ZNF740: variants seen among roughly 807,000 people sequenced by gnomAD.
ZNF740 encodes the protein oriLyt TD-element-binding protein 7.
Under a neutral mutation model 24.8 loss-of-function variants are expected in ZNF740, and 14 were observed. The ratio of observed to expected loss-of-function variants is 0.56; its 90% CI spans 0.37 to 0.88. The LOEUF (loss-of-function observed/expected upper bound fraction) is 0.88, where lower values mean the gene tolerates loss of function less well. Among genes scored for constraint, ZNF740 ranks in the 40% least tolerant of loss-of-function variants. The pLI is 0.00. For missense variants in ZNF740, 201 were observed against 247.9 expected, an observed-to-expected ratio of 0.81 and a Z score of 1.27; for synonymous variants, 69 against 84.0, an observed-to-expected ratio of 0.82 and a Z score of 0.98.
rs1176502981 is a variant in ZNF740, at chr12:53,194,770, C to G, written c.*7180C>G. Reference sequence around the variant, plus strand: ...AGGTTTAGGAGATGCTCCCTGTTATCAAGAAGCCTACAGCCTAGTTGCAGA... The same window carrying G: ...AGGTTTAGGAGATGCTCCCTGTTATGAAGAAGCCTACAGCCTAGTTGCAGA... On this transcript the variant is annotated 3_prime_UTR_variant, in exon 7 of 7. Transcript: ENST00000416904. 4 of 176,206 alleles carry G rather than the reference C, an allele frequency of 2.3e-5. No homozygotes were observed. The highest frequency in any genetic ancestry group is 4.7e-5 in the African/African-American group (2 of 42,372). The allele number at this position is 176,206 out of a possible 1,614,324, so 10.9% of individuals were successfully genotyped here.
Position 53,184,911 on chromosome 12 carries a change from A to C in ZNF740, c.30A>C (p.Glu10Asp). 6.2e-7 allele frequency: 1 copy of C among 1,613,460 alleles called. No homozygotes were observed. Among genetic ancestry groups the C allele is most frequent in the Non-Finnish European group, 8.5e-7 (1 of 1,179,658 alleles). Reference protein sequence around the residue: MAQASLLACEGLAGVSLVPT... With the variant: MAQASLLACDGLAGVSLVPT... ...CTTAGGCAAGTCTCCTGGCTTGTGAAGGCCTAGCAGGTGTGAGTTTGGTTC... is the reference window on the plus strand; with the variant it reads ...CTTAGGCAAGTCTCCTGGCTTGTGACGGCCTAGCAGGTGTGAGTTTGGTTC... The change falls in exon 3 of 7, where the codon GAA becomes GAC. Residue 10 changes from glutamate to aspartate, a missense_variant. Physicochemically the swap from Glu to Asp is conservative, Grantham distance 45. This residue lies in a region of ZNF740 where 117 missense variants were observed against 122.3 expected (regional missense o/e 0.96). Coordinates refer to ENST00000416904, the MANE Select transcript of ZNF740 (RefSeq NM_001004304.4).
rs1240919576 is a variant in ZNF740 at position 53,186,140 on chromosome 12, T to C, written c.373+63T>C. ...TCTATCGCTTGTATTCCATGTCTGTTTGTGGCTCTAGTTGGGTTTATTTTA... is the reference window on the plus strand; with the variant it reads ...TCTATCGCTTGTATTCCATGTCTGTCTGTGGCTCTAGTTGGGTTTATTTTA... On this transcript the variant is annotated intron_variant, in intron 5 of 6. Transcript: ENST00000416904. 9 of 1,572,228 alleles carry C rather than the reference T, an allele frequency of 5.7e-6. No individual in the cohort carries two copies. In the East Asian group the frequency reaches 6.8e-5, roughly 12 times the overall value.
rs1257017818 is a variant in ZNF740 at position 53,191,718 on chromosome 12, C to T, written c.*4128C>T. 6.5e-7 allele frequency: 1 copy of T among 1,532,990 alleles called. No homozygotes were observed. The allele number at this position is 1,532,990 out of a possible 1,614,324, so 95.0% of individuals were successfully genotyped here. On this transcript the variant is annotated 3_prime_UTR_variant, in exon 7 of 7. Transcript: ENST00000416904. ...CTAGACCTAAGAGGCCAGCCTTGAG[C>T]CGAATCCTAGGAGCTGATGGAAGTT...
chr12:53,188,695 G>A lies in ZNF740; in HGVS notation c.*1105G>A, dbSNP rs1446073739. On this transcript the variant is annotated 3_prime_UTR_variant, in exon 7 of 7. Transcript: ENST00000416904. ...GGAGGTAGGGAGGGGTCTGTCCTTTGGTCCCAAAAAACAAGATCTCGGCTT... is the reference window on the plus strand; with the variant it reads ...GGAGGTAGGGAGGGGTCTGTCCTTTAGTCCCAAAAAACAAGATCTCGGCTT... The A allele has an allele frequency of 6.6e-6, 1 of 152,138 alleles. No individual in the cohort carries two copies. Among genetic ancestry groups the A allele is most frequent in the African/African-American group, 2.4e-5 (1 of 41,412 alleles). 9.4% of individuals were successfully genotyped at this position (152,138 alleles called of 1,614,324 possible). A position where few individuals can be genotyped will look rare whatever the true frequency, so the allele number is the denominator to read the frequency against.
intron 1 of ZNF740, 97 bp downstream of exon 1, chr12:53,180,934 G>A: frequency 1.0e-6 from 1 of 972,706 alleles, no homozygotes; most frequent in Non-Finnish European, 1.3e-6. Context: ...AGGGGGAGGG[G>A]AGGGGAGGAG....
In ZNF740 at chr12:53,188,101, A is replaced by G. The variant is rs1001303148; in HGVS notation, c.*511A>G. The G allele has an allele frequency of 1.9e-5, 3 of 161,896 alleles. No homozygotes were observed. Among genetic ancestry groups the G allele is most frequent in the Non-Finnish European group, 4.1e-5 (3 of 72,772 alleles). 10.0% of individuals were successfully genotyped at this position (161,896 alleles called of 1,614,324 possible). ...CCCCAAAAATTGGGTTTTTAGTTGC[A>G]GTAGCTCCTCAGTGTTTCACAATCC... On this transcript the variant is annotated 3_prime_UTR_variant, in exon 7 of 7. Transcript: ENST00000416904.
In ZNF740 at chr12:53,191,594, T is replaced by G. The variant is rs776645030; in HGVS notation, c.*4004T>G. 2 of 1,613,806 alleles carry G rather than the reference T, an allele frequency of 1.2e-6. No individual in the cohort carries two copies. Among genetic ancestry groups the G allele is most frequent in the Non-Finnish European group, 1.7e-6 (2 of 1,179,814 alleles). ...CTGTCTGCCTCTTGAAAGCGAGGATTGATGGTGGTCGTGATGGCACTTTTG... is the reference window on the plus strand; with the variant it reads ...CTGTCTGCCTCTTGAAAGCGAGGATGGATGGTGGTCGTGATGGCACTTTTG... On this transcript the variant is annotated 3_prime_UTR_variant, in exon 7 of 7. Coordinates refer to ENST00000416904, the MANE Select transcript of ZNF740 (RefSeq NM_001004304.4).
chr12:53,185,839 A>C, intron 4 of ZNF740, 115 bp from the exon 5 acceptor site: 2 of 1,394,516 alleles, frequency 1.4e-6, no homozygotes, highest in Non-Finnish European at 1.9e-6. Flanking sequence ...CAGCACCTTT[A>C]GACAGCATCA....
intron 2 of ZNF740, among the ~76,000 whole-genome samples, chr12:53,183,100 T>A (rs534347385): frequency 1.3e-5 from 2 of 152,354 alleles, no homozygotes; most frequent in East Asian, 1.9e-4. Context: ...CTCCTTTCCA[T>A]ATAGAATAGG....
rs1440449428 is a variant in ZNF740 at position 53,193,695 on chromosome 12, A to T, written c.*6105A>T. ...TGGGAGCCAGGTGGTTGAAGGGAAG[A>T]GGAGGCCCTCACCTGCATACACCAC... On this transcript the variant is annotated 3_prime_UTR_variant, in exon 7 of 7. Transcript: ENST00000416904. 1.0e-5 allele frequency: 16 copies of T among 1,594,180 alleles called. No individual in the cohort carries two copies. Among genetic ancestry groups the T allele is most frequent in the Non-Finnish European group, 1.3e-5 (15 of 1,168,734 alleles).
Position 53,193,620 on chromosome 12 carries a change from G to C in ZNF740, c.*6030G>C, listed in dbSNP as rs61761309. The C allele has an allele frequency of 8.5e-5, 99 of 1,164,616 alleles. No individual in the cohort carries two copies. Among genetic ancestry groups the C allele is most frequent in the East Asian group, 7.3e-4 (29 of 39,770 alleles). The allele number at this position is 1,164,616 out of a possible 1,614,324, so 72.1% of individuals were successfully genotyped here. A position where few individuals can be genotyped will look rare whatever the true frequency, so the allele number is the denominator to read the frequency against. Reference sequence around the variant, plus strand: ...GTCGGGATGTCGAGGAGACTCCTGTGGGGGGGATGGAAAGCAGCGGAGGAA... The same window carrying C: ...GTCGGGATGTCGAGGAGACTCCTGTCGGGGGGATGGAAAGCAGCGGAGGAA... On this transcript the variant is annotated 3_prime_UTR_variant, in exon 7 of 7. Coordinates refer to ENST00000416904, the MANE Select transcript of ZNF740 (RefSeq NM_001004304.4).
rs2120440879 is a variant in ZNF740, at chr12:53,194,787, A to G, written c.*7197A>G. ...CCTGTTATCAAGAAGCCTACAGCCT[A>G]GTTGCAGAGGTAAGACCTAAACCAC... On this transcript the variant is annotated 3_prime_UTR_variant, in exon 7 of 7. Transcript: ENST00000416904. 1 of 176,952 alleles carries G rather than the reference A, an allele frequency of 5.7e-6. No homozygotes were observed. The highest frequency in any genetic ancestry group is 5.4e-5 in the Admixed American group (1 of 18,632). 11.0% of individuals were successfully genotyped at this position (176,952 alleles called of 1,614,324 possible).
At position 53,191,348 on chromosome 12, in the gene ZNF740, T is replaced by C; in HGVS notation, c.*3758T>C. ...TCTGAGGTAAGACTTTATTGTATAC[T>C]TGGGTGGGGTAGCCCAGATGGATGC... On this transcript the variant is annotated 3_prime_UTR_variant, in exon 7 of 7. Transcript: ENST00000416904. The C allele has an allele frequency of 1.7e-6, 1 of 586,846 alleles. No individual in the cohort carries two copies. The highest frequency in any genetic ancestry group is 3.1e-6 in the Non-Finnish European group (1 of 326,728). 36.4% of individuals were successfully genotyped at this position (586,846 alleles called of 1,614,324 possible).
rs1941898732 is a variant in ZNF740 at position 53,189,963 on chromosome 12, A to G, written c.*2373A>G. ...ATGAGTGACCTGTGCCCCTATGTGT[A>G]CTAATGTGTGTACTGGGTCAGAAGG... On this transcript the variant is annotated 3_prime_UTR_variant, in exon 7 of 7. Coordinates refer to ENST00000416904, the MANE Select transcript of ZNF740 (RefSeq NM_001004304.4). 7.2e-6 allele frequency: 1 copy of G among 139,012 alleles called. No homozygotes were observed. Among genetic ancestry groups the G allele is most frequent in the Non-Finnish European group, 1.5e-5 (1 of 64,936 alleles). 8.6% of individuals were successfully genotyped at this position (139,012 alleles called of 1,614,324 possible). A position where few individuals can be genotyped will look rare whatever the true frequency, so the allele number is the denominator to read the frequency against.
chr12:53,191,669 A>T lies in ZNF740; in HGVS notation c.*4079A>T. The T allele has an allele frequency of 6.3e-7, 1 of 1,592,058 alleles. No homozygotes were observed. Among genetic ancestry groups the T allele is most frequent in the Non-Finnish European group, 8.6e-7 (1 of 1,160,020 alleles). On this transcript the variant is annotated 3_prime_UTR_variant, in exon 7 of 7. Coordinates refer to ENST00000416904, the MANE Select transcript of ZNF740 (RefSeq NM_001004304.4). ...AAGATGTTGCAGATTATAAGCAAAA[A>T]TCCCAGGATTCCTCGTCCCCTTTCT...
intron 2 of ZNF740, among the ~76,000 whole-genome samples, chr12:53,182,901 A>C (rs140550144): frequency 7.9e-5 from 12 of 152,308 alleles, no homozygotes; most frequent in South Asian, 2.1e-4. Context: ...GTGGAGGTAG[A>C]GGATGGACTG....
intron 2 of ZNF740, among the ~76,000 whole-genome samples, chr12:53,184,171 T>C (rs1592386328): frequency 2.7e-5 from 3 of 111,630 alleles, no homozygotes; most frequent in African/African-American, 1.4e-4. Flanking sequence ...GCTCTGAAGC[T>C]AAGGGGTGTG....
In ZNF740 at chr12:53,193,549, G is replaced by A; in HGVS notation, c.*5959G>A. The A allele has an allele frequency of 1.3e-6, 1 of 762,360 alleles. No homozygotes were observed. The highest frequency in any genetic ancestry group is 2.1e-6 in the Non-Finnish European group (1 of 474,100). 47.2% of individuals were successfully genotyped at this position (762,360 alleles called of 1,614,324 possible). ...GGAGGGAGCCCCAGTCAGGGGGAGGGCCTGGACATACATGGGAAGCTTCAA... is the reference window on the plus strand; with the variant it reads ...GGAGGGAGCCCCAGTCAGGGGGAGGACCTGGACATACATGGGAAGCTTCAA... On this transcript the variant is annotated 3_prime_UTR_variant, in exon 7 of 7. Transcript: ENST00000416904.
In ZNF740 at chr12:53,181,864, A is replaced by C; in HGVS notation, c.-120A>C. 4.7e-6 allele frequency: 6 copies of C among 1,277,128 alleles called. No homozygotes were observed. The highest frequency in any genetic ancestry group is 5.5e-6 in the Non-Finnish European group (5 of 904,222). The allele number at this position is 1,277,128 out of a possible 1,614,324, so 79.1% of individuals were successfully genotyped here. A position where few individuals can be genotyped will look rare whatever the true frequency, so the allele number is the denominator to read the frequency against. ...AAAGTTCAATATGGCAACAGGACTG[A>C]TGGGACACGAAGGAGTCGCTACCGT... is the stretch of plus-strand genomic sequence containing the variant. On this transcript the variant is annotated 5_prime_UTR_variant, in exon 2 of 7. The change abolishes an upstream ATG in the 5' untranslated region. Transcript: ENST00000416904.
Sources: gnomAD v4.1 joint callset for allele counts (sites outside exome capture counted in the v4.1 genomes callset) on GRCh38, gnomAD v4.1.1 for gene constraint, gnomAD v4.1.1 regional missense constraint, MANE v1.5 for transcripts, NCBI Gene and HGNC (gene_info 2026-07-23, HGNC 2026-07-21) for gene names.